The following SEL1L2 variants were observed in gnomAD, a reference collection of about 807,000 sequenced individuals.
SEL1L2 encodes protein sel-1 homolog 2.
SEL1L2 carries 89 observed loss-of-function variants against 98.8 expected under a neutral mutation model. The ratio of observed to expected loss-of-function variants is 0.90; its 90% confidence interval spans 0.76 to 1.07. The LOEUF (loss-of-function observed/expected upper bound fraction) is 1.07, where lower values mean the gene tolerates loss of function less well. SEL1L2 is among the 50% of genes least tolerant of loss of function. The pLI is 0.00. For missense variants in SEL1L2, 788 were observed against 812.0 expected, an observed-to-expected ratio of 0.97 and a Z score of 0.36; for synonymous variants, 262 against 278.5, an observed-to-expected ratio of 0.94 and a Z score of 0.59.
chr20:13,947,882 A>G (rs1426867794), intron 2 of SEL1L2, among the ~76,000 whole-genome samples: 2 of 152,250 alleles, frequency 1.3e-5, no homozygotes, highest in Non-Finnish European at 2.9e-5. Context: ...ACTCTGCCAC[A>G]GCAGCTGGTG....
intron 2 of SEL1L2, among the ~76,000 whole-genome samples, chr20:13,937,195 C>G (rs2049495368): frequency 6.6e-6 from 1 of 152,216 alleles, no homozygotes. Context: ...CACTGTGACC[C>G]ACGGTGATGG....
At chr20:13,862,130 A>G (rs1272951592) in intron 17 of SEL1L2, among the ~76,000 whole-genome samples, 1 of 152,226 alleles carries the variant, frequency 6.6e-6, no homozygotes, top group Non-Finnish European at 1.5e-5. Context: ...TACTTGATAA[A>G]TACATATAGA....
intron 14 of SEL1L2, among the ~76,000 whole-genome samples, chr20:13,867,486 G>C (rs1193700403): frequency 6.6e-6 from 1 of 152,170 alleles, no homozygotes; most frequent in African/African-American, 2.4e-5. Flanking sequence ...TTATCTTCCA[G>C]CTCTAACACT....
intron 18 of SEL1L2, 27 bp from the exon 19 acceptor site, chr20:13,850,346 A>G (rs964734684): frequency 8.1e-6 from 13 of 1,612,762 alleles, no homozygotes; most frequent in South Asian, 2.2e-5. Flanking sequence ...AGCCCTACCC[A>G]TCAGATTCTG....
At chr20:13,907,052 T>C (rs1002087662) in intron 5 of SEL1L2, among the ~76,000 whole-genome samples, 1 of 152,180 alleles carries the variant, frequency 6.6e-6, no homozygotes, top group African/African-American at 2.4e-5. Context: ...TATAGAATCA[T>C]AAAGCATGAT....
At chr20:13,943,457 A>C (rs999332708) in intron 2 of SEL1L2, among the ~76,000 whole-genome samples, 2 of 147,094 alleles carry the variant, frequency 1.4e-5, no homozygotes, top group Non-Finnish European at 3.0e-5. Context: ...CAGGGAATAC[A>C]TGGATTATCA....
At chr20:13,928,473 C>A (rs1284238227) in intron 3 of SEL1L2, among the ~76,000 whole-genome samples, 1 of 152,224 alleles carries the variant, frequency 6.6e-6, no homozygotes, top group Non-Finnish European at 1.5e-5. Context: ...ACATCACATG[C>A]AGATTTTTAT....
intron 4 of SEL1L2, among the ~76,000 whole-genome samples, chr20:13,916,736 G>A (rs1432680265): frequency 6.6e-6 from 1 of 152,086 alleles, no homozygotes. Context: ...AACTGGGGAG[G>A]TGGAGGCTGC....
rs1319887860 is a variant in SEL1L2 at position 13,866,732 on chromosome 20, T to C, written c.1374A>G (p.Gly458=). The C allele has an allele frequency of 1.2e-6, 2 of 1,604,708 alleles. No homozygotes were observed. The highest frequency in any genetic ancestry group is 1.7e-6 in the Non-Finnish European group (2 of 1,177,070). ...CAGCAGTTCTGCATGATCTTACTAC[T>C]CCTGTTCCTGTTGCATACATCTTGG... ...YLAKMYATGT[G]VVRSCRTAVE... The change falls in exon 15 of 20, where the codon GGA becomes GGG. Residue 458 remains glycine (G), a synonymous_variant. Coordinates refer to ENST00000284951, the MANE Select transcript of SEL1L2 (RefSeq NM_025229.2).
chr20:13,861,142 T>A (rs912201878), intron 17 of SEL1L2, among the ~76,000 whole-genome samples: 3 of 152,196 alleles, frequency 2.0e-5, no homozygotes, highest in African/African-American at 4.8e-5. Context: ...CAACCCGTTC[T>A]TCACACAACA....
At position 13,870,161 on chromosome 20, in the gene SEL1L2, G is replaced by A; in HGVS notation, c.1147C>T (p.His383Tyr). The A allele has an allele frequency of 6.2e-7, 1 of 1,609,608 alleles. No homozygotes were observed. Among genetic ancestry groups the A allele is most frequent in the South Asian group, 1.1e-5 (1 of 90,302 alleles). Residue 383 changes from histidine to tyrosine, a missense_variant, in exon 13 of 20, where the codon CAT becomes TAT. Physicochemically the swap from His to Tyr is moderately conservative, Grantham distance 83. Coordinates refer to ENST00000284951, the MANE Select transcript of SEL1L2 (RefSeq NM_025229.2). The stretch of plus-strand genomic sequence containing the variant: ...CTTACCAGGGGAACTCCTTTTCCAT[G>A]AAAGTAAAGAAGACCAAGCCCATGA... ...GLHGLGLLYF[H>Y]GKGVPLNYAE...
upstream of SEL1L2, among the ~76,000 whole-genome samples, chr20:13,994,297 A>G (rs1279086412): frequency 3.7e-4 from 10 of 27,294 alleles, no homozygotes; most frequent in African/African-American, 1.5e-3. Context: ...CTCTGCCTCA[A>G]AAAAAAAAAA....
rs1333946474 is a variant in SEL1L2, at chr20:13,901,070, TC to T, written c.550-12559del. On this transcript the variant is annotated intron_variant, in intron 5 of 19. Transcript: ENST00000284951. ...CCTTTTCTTTTTCTTTTTCTTTCTT[TC>T]TTTCTTTTTTTTTTTTTGAGACGGA... 1.2e-3 allele frequency among the ~76,000 whole-genome samples: 176 copies of T among 145,120 alleles called. 2 individuals are homozygous for T. In the East Asian group the frequency reaches 0.017, roughly 14 times the overall value.
chr20:13,964,967 C>A (rs2050972984), intron 1 of SEL1L2, among the ~76,000 whole-genome samples: 1 of 152,108 alleles, frequency 6.6e-6, no homozygotes, highest in Non-Finnish European at 1.5e-5. Flanking sequence ...TTCCTTCTAA[C>A]CCCCTATTTG....
chr20:13,990,048 G>T (rs2052464340), intron 1 of SEL1L2, among the ~76,000 whole-genome samples: 1 of 152,178 alleles, frequency 6.6e-6, no homozygotes, highest in Non-Finnish European at 1.5e-5. Context: ...CTTTGGAAGT[G>T]AAATTGTTAT....
intron 15 of SEL1L2, among the ~76,000 whole-genome samples, chr20:13,866,375 AC>A (rs2147822437): frequency 6.6e-6 from 1 of 152,218 alleles, no homozygotes; most frequent in South Asian, 2.1e-4. Flanking sequence ...CCAAGTAGCA[AC>A]TCCCAATCCC....
At chr20:13,915,971 G>C (rs1420406931) in intron 4 of SEL1L2, among the ~76,000 whole-genome samples, 2 of 152,118 alleles carry the variant, frequency 1.3e-5, no homozygotes, top group Admixed American at 6.5e-5. Flanking sequence ...GTAGAACAAC[G>C]GCTTATCTTC....
At chr20:13,910,168 C>T (rs1017229196) in intron 5 of SEL1L2, among the ~76,000 whole-genome samples, 1 of 152,140 alleles carries the variant, frequency 6.6e-6, no homozygotes, top group African/African-American at 2.4e-5. Context: ...GAAATTGAGA[C>T]CCAGAGAGGA....
intron 9 of SEL1L2, 81 bp from the exon 10 acceptor site, chr20:13,885,484 T>C (rs1289353661): frequency 1.1e-6 from 1 of 925,784 alleles, no homozygotes; most frequent in Non-Finnish European, 1.8e-6. Flanking sequence ...GATTTTACTT[T>C]AGTATGTTGA....
Sources: allele counts gnomAD v4.1 joint callset (sites outside exome capture counted in the v4.1 genomes callset), GRCh38; gene constraint gnomAD v4.1.1; transcripts MANE v1.5; gene names NCBI Gene and HGNC (gene_info 2026-07-23, HGNC 2026-07-21).